BIN1: variants seen among roughly 807,000 people sequenced by gnomAD.
BIN1 encodes the protein myc box-dependent-interacting protein 1.
BIN1 carries 53 observed loss-of-function variants against 82.0 expected under a neutral mutation model. That is an observed-to-expected ratio of 0.65 (90% confidence interval 0.52 to 0.81). The LOEUF is 0.81. Ranked by LOEUF, BIN1 falls within the 40% of genes least tolerant of loss-of-function variation. The pLI is 0.00. For synonymous variants in BIN1, 302 were observed against 328.0 expected (o/e 0.92, Z 0.86); for missense variants, 642 against 784.4 (o/e 0.82, Z 2.17).
intron 18 of BIN1, 89 bp from the exon 19 acceptor site, chr2:127,048,722 G>A (rs763088181): frequency 1.1e-4 from 144 of 1,265,632 alleles, no homozygotes; most frequent in Non-Finnish European, 1.5e-4. Context: ...CTGGGAAGAC[G>A]GCCCCTCCTC....
intron 2 of BIN1, among the ~76,000 whole-genome samples, chr2:127,073,030 C>A (rs866745807): frequency 1.3e-5 from 2 of 152,238 alleles, no homozygotes; most frequent in African/African-American, 4.8e-5. Context: ...CCACCTCCCC[C>A]CCACAGCAGG....
intron 7 of BIN1, 44 bp from the exon 8 acceptor site, chr2:127,064,062 C>A (rs1381513021): frequency 3.1e-6 from 5 of 1,609,642 alleles, no homozygotes; most frequent in South Asian, 1.1e-5. Context: ...GGCGTCCCAG[C>A]CAGCCCAGCC....
chr2:127,075,462 A>G (rs1686458308), intron 2 of BIN1, among the ~76,000 whole-genome samples: 1 of 152,140 alleles, frequency 6.6e-6, no homozygotes, highest in Non-Finnish European at 1.5e-5. Flanking sequence ...CTGGGAAGGA[A>G]TTGCCCAGAG....
rs1367018983 is a variant in BIN1 at position 127,090,526 on chromosome 2, AT to A, written c.85-13821del. Among the ~76,000 whole-genome samples the A allele has an allele frequency of 6.6e-6, 1 of 152,136 alleles. No homozygotes were observed. Among genetic ancestry groups the A allele is most frequent in the Non-Finnish European group, 1.5e-5 (1 of 68,018 alleles). ...GTCCCTCCACACAAGTGCGGGTGCT[AT>A]TCTCAGCCCAGCTCCAGGACACTGG... is the stretch of plus-strand genomic sequence containing the variant. On this transcript the variant is annotated intron_variant, in intron 1 of 18. Transcript: ENST00000316724. This position sits in a 1 kb window ranked among gnomAD's most constrained non-coding sequence, Gnocchi z 6.4.
chr2:127,053,133 G>A (rs2104888462), intron 14 of BIN1: 2 of 520,930 alleles, frequency 3.8e-6, no homozygotes, highest in South Asian at 4.0e-5. Context: ...TCTGTCTGGA[G>A]GCAAACACTC....
intron 4 of BIN1, 77 bp from the exon 5 acceptor site, chr2:127,070,167 C>A: frequency 8.7e-7 from 1 of 1,154,158 alleles, no homozygotes; most frequent in Admixed American, 1.8e-5. Flanking sequence ...TCGCAGGGAC[C>A]AGCCCCAGCC....
At position 127,070,012 on chromosome 2, in the gene BIN1, G is replaced by A. The variant is rs1385213884; in HGVS notation, c.394C>T (p.Gln132Ter). The A allele has an allele frequency of 6.2e-7, 1 of 1,614,012 alleles. No homozygotes were observed. The highest frequency in any genetic ancestry group is 1.3e-5 in the African/African-American group (1 of 74,944). The change falls in exon 5 of 19, where the codon CAG becomes TAG. Residue 132 changes from glutamine to a stop codon, truncating the protein, a stop_gained. Coordinates refer to ENST00000316724, the MANE Select transcript of BIN1 (RefSeq NM_139343.3). LOFTEE classifies it high-confidence loss of function. ...ALLTMDTYLGQFPDIKSRIAK... is the reference protein window; with the variant it reads ...ALLTMDTYLG ...TCTCTCACCTTGATGTCGGGGAACT[G>A]GCCCAGGTACGTGTCCATGGTCAGC...
Position 127,057,896 on chromosome 2 carries a change from GA to G in BIN1, c.1003-296del, listed in dbSNP as rs11289928. Among the ~76,000 whole-genome samples, 97,210 of 151,860 alleles carry G rather than the reference GA, an allele frequency of 0.64. 32,333 individuals carry two copies. The highest frequency in any genetic ancestry group is 0.84 in the African/African-American group (34,840 of 41,432). On this transcript the variant is annotated intron_variant, in intron 11 of 18. Transcript: ENST00000316724. The surrounding 1 kb of genome is among the most constrained non-coding windows in gnomAD (Gnocchi z 5.0). ...AGAGGAGGAAGGAGAGCGAAGAAGA[GA>G]AGAGGCCCCAGGCTGCCCACTGGCC...
intron 2 of BIN1, among the ~76,000 whole-genome samples, chr2:127,073,522 GCTGCAC>G (rs1219523631): frequency 1.3e-5 from 2 of 152,086 alleles, no homozygotes; most frequent in Admixed American, 6.5e-5. Context: ...CCAAGCCCTC[GCTGCAC>G]CTCCCTGGAC....
intron 1 of BIN1, among the ~76,000 whole-genome samples, chr2:127,100,999 C>CGGGGGGGGGG (rs1553487375): frequency 9.8e-5 from 10 of 101,608 alleles, no homozygotes; most frequent in South Asian, 3.2e-4. Flanking sequence ...TAGGAATGTG[C>CGGGGGGGGGG]GGGGGGTGGG....
At chr2:127,085,175 A>G (rs13430214) in intron 1 of BIN1, among the ~76,000 whole-genome samples, 26,887 of 152,120 alleles carry the variant, frequency 0.18, 2,511 homozygotes, top group South Asian at 0.23. Flanking sequence ...GGCCCCTTGC[A>G]GCAGCCCCAG....
In BIN1 at chr2:127,052,268, G is replaced by A. The variant is rs753599819; in HGVS notation, c.1358C>T (p.Pro453Leu). The change falls in exon 15 of 19, where the codon CCG becomes CTG. Residue 453 changes from proline to leucine, a missense_variant. Physicochemically the swap from Pro to Leu is moderately conservative, Grantham distance 98. Transcript: ENST00000316724. ...GTGGGCACTTACTTGGGCAGGCCCC[G>A]GCTCGGCCGTCTGGCTGGGCCAGGA... The part of the protein sequence containing the change: ...AVSWPSQTAE[P>L]GPAQPAEASE... 84 of 1,575,134 alleles carry A rather than the reference G, an allele frequency of 5.3e-5. No individual in the cohort carries two copies. The highest frequency in any genetic ancestry group is 2.4e-4 in the Admixed American group (13 of 54,784).
Position 127,050,893 on chromosome 2 carries a change from A to G in BIN1, c.1481T>C (p.Val494Ala). The change falls in exon 17 of 19, where the codon GTG becomes GCG. Residue 494 changes from valine (V) to alanine (A), a missense_variant. Physicochemically the swap from Val to Ala is moderately conservative, Grantham distance 64. Coordinates refer to ENST00000316724, the MANE Select transcript of BIN1 (RefSeq NM_139343.3). ...EAASSSLPAV[V>A]VETFPATVNG... is the part of the protein sequence containing the mutation. ...CACAGTTGCTGGGAAGGTCTCCACCACGACAGCAGGAAGAGAGCTCTGGTG... is the reference window on the plus strand; with the variant it reads ...CACAGTTGCTGGGAAGGTCTCCACCGCGACAGCAGGAAGAGAGCTCTGGTG... 6.2e-7 allele frequency: 1 copy of G among 1,613,952 alleles called. No homozygotes were observed. Among genetic ancestry groups the G allele is most frequent in the Non-Finnish European group, 8.5e-7 (1 of 1,180,008 alleles).
At chr2:127,072,468 C>T (rs1022580834) in intron 2 of BIN1, among the ~76,000 whole-genome samples, 16 of 152,270 alleles carry the variant, frequency 1.1e-4, no homozygotes, top group Admixed American at 6.5e-4. Context: ...GCACGCAGCC[C>T]GCAGGGTGTT....
At chr2:127,086,002 G>A (rs1260998810) in intron 1 of BIN1, among the ~76,000 whole-genome samples, 1 of 151,922 alleles carries the variant, frequency 6.6e-6, no homozygotes, top group Non-Finnish European at 1.5e-5. Flanking sequence ...GCCCCTCTAG[G>A]TAAGCTCCAC....
At chr2:127,087,131 A>C (rs947370517) in intron 1 of BIN1, among the ~76,000 whole-genome samples, 1 of 152,220 alleles carries the variant, frequency 6.6e-6, no homozygotes, top group African/African-American at 2.4e-5. Flanking sequence ...AACTTGACCA[A>C]CTACGTCAGC....
At chr2:127,050,961 A>C (rs749338696) in intron 16 of BIN1, 49 bp from the exon 17 acceptor site, 3 of 1,575,606 alleles carry the variant, frequency 1.9e-6, no homozygotes, top group Non-Finnish European at 2.6e-6. Context: ...GTCCAGGGAC[A>C]GCCAGGGCCA....
At chr2:127,060,458 C>T (rs989049578) in intron 10 of BIN1, 199 of 1,329,350 alleles carry the variant, frequency 1.5e-4, no homozygotes, top group East Asian at 2.1e-4. Context: ...AACACGCACA[C>T]GACAGCCCTG....
intron 15 of BIN1, among the ~76,000 whole-genome samples, chr2:127,051,721 C>T (rs572303052): frequency 1.3e-5 from 2 of 152,298 alleles, no homozygotes; most frequent in African/African-American, 2.4e-5. Context: ...GCAGCCTGTG[C>T]GCAGCCCAAA....
Sources: allele counts gnomAD v4.1 joint callset (sites outside exome capture counted in the v4.1 genomes callset), GRCh38; gene constraint gnomAD v4.1.1; non-coding constraint Gnocchi (gnomAD v3.1); transcripts MANE v1.5; gene names NCBI Gene and HGNC (gene_info 2026-07-23, HGNC 2026-07-21).